The following GRID2 variants were observed in gnomAD, a reference collection of about 807,000 sequenced individuals.
GRID2 encodes the protein glutamate ionotropic receptor delta type subunit 2, also known as glutamate receptor ionotropic, delta-2.
In GRID2, 33 loss-of-function variants were observed where a neutral mutation model predicts 114.8. The ratio of observed to expected loss-of-function variants is 0.29; its 90% CI spans 0.22 to 0.38. The LOEUF (loss-of-function observed/expected upper bound fraction) is 0.38. GRID2 is among the 10% of genes least tolerant of loss of function. The pLI, the probability that GRID2 is intolerant of heterozygous loss-of-function variation, is 1.00. For missense variants in GRID2, 1,184 were observed against 1,257.7 expected, an observed-to-expected ratio of 0.94 and a Z score of 0.89; for synonymous variants, 505 against 449.9, an observed-to-expected ratio of 1.12 and a Z score of -1.55.
intron 2 of GRID2, chr4:92,884,821 T>A: frequency 2.9e-6 from 1 of 343,308 alleles, no homozygotes; most frequent in South Asian, 2.7e-5. Flanking sequence ...TGAATCAGAA[T>A]GTAATGCTTT....
intron 9 of GRID2, among the ~76,000 whole-genome samples, chr4:93,410,710 A>G (rs962164679): frequency 4.6e-5 from 7 of 152,206 alleles, no homozygotes; most frequent in African/African-American, 1.7e-4. Context: ...CAGTCTCCCA[A>G]GTAGCTGGGA....
intron 13 of GRID2, among the ~76,000 whole-genome samples, chr4:93,578,401 G>A (rs1050101170): frequency 5.9e-5 from 9 of 152,056 alleles, no homozygotes; most frequent in Admixed American, 3.9e-4. Flanking sequence ...ACTGTTAAAA[G>A]TGGGGAGGGG....
chr4:92,551,792 AGTC>A (rs1726604587), intron 1 of GRID2, among the ~76,000 whole-genome samples: 1 of 152,130 alleles, frequency 6.6e-6, no homozygotes. Flanking sequence ...TTGCTGCAGT[AGTC>A]TATGCATGAA....
chr4:92,419,882 A>G (rs963772765), intron 1 of GRID2, among the ~76,000 whole-genome samples: 2 of 152,078 alleles, frequency 1.3e-5, no homozygotes, highest in African/African-American at 4.8e-5. Context: ...GAAAATTGGA[A>G]AATATACCTA....
At chr4:93,581,886 A>G (rs1030072489) in intron 13 of GRID2, among the ~76,000 whole-genome samples, 6 of 152,162 alleles carry the variant, frequency 3.9e-5, no homozygotes, top group South Asian at 2.1e-4. Context: ...AAGAGATGCC[A>G]TGTTCTCTTT....
intron 2 of GRID2, among the ~76,000 whole-genome samples, chr4:92,672,867 AAAT>A (rs1733145238): frequency 6.6e-6 from 1 of 152,114 alleles, no homozygotes. Context: ...ATGTACAATG[AAAT>A]AATATTAACT....
chr4:92,881,193 C>A (rs1039405719), intron 2 of GRID2, among the ~76,000 whole-genome samples: 1 of 152,134 alleles, frequency 6.6e-6, no homozygotes. Context: ...GTGAGCCACC[C>A]AGCTCGGCCT....
intron 2 of GRID2, among the ~76,000 whole-genome samples, chr4:92,899,013 AATC>A (rs1377348557): frequency 6.6e-6 from 1 of 152,148 alleles, no homozygotes; most frequent in Non-Finnish European, 1.5e-5. Flanking sequence ...GTGTATATAA[AATC>A]ATATTAAAGC....
rs186270798 is a variant in GRID2, at chr4:93,789,950, C to A, written c.222-16765C>A. Among the ~76,000 whole-genome samples the A allele has an allele frequency of 2.7e-3, 414 of 152,256 alleles. 2 individuals carry two copies. The highest frequency in any genetic ancestry group is 9.5e-3 in the African/African-American group (396 of 41,548). On this transcript the variant is annotated intron_variant, in intron 1 of 1. Transcript: ENST00000637838. ...CCTTTTGTCAGATCAGCATTAGATTCTCATAGGAGTGTGACCCTATTGTGA... is the reference window on the plus strand; with the variant it reads ...CCTTTTGTCAGATCAGCATTAGATTATCATAGGAGTGTGACCCTATTGTGA...
At chr4:92,427,995 G>T (rs1409933746) in intron 1 of GRID2, among the ~76,000 whole-genome samples, 3 of 152,100 alleles carry the variant, frequency 2.0e-5, no homozygotes, top group Non-Finnish European at 2.9e-5. Flanking sequence ...AGGCACGGTG[G>T]CTCATGCCTG....
chr4:92,538,033 T>C (rs567857809), intron 1 of GRID2, among the ~76,000 whole-genome samples: 1 of 152,308 alleles, frequency 6.6e-6, no homozygotes, highest in Non-Finnish European at 1.5e-5. Flanking sequence ...ATTATGATTC[T>C]TGTATGTAAC....
intron 8 of GRID2, among the ~76,000 whole-genome samples, chr4:93,318,113 A>T (rs538519825): frequency 6.7e-6 from 1 of 150,110 alleles, no homozygotes; most frequent in Non-Finnish European, 1.5e-5. Context: ...ATAATTTTAC[A>T]TGATTTCATA....
chr4:92,620,485 CAAAG>C (rs946619912), intron 2 of GRID2, among the ~76,000 whole-genome samples: 4 of 151,564 alleles, frequency 2.6e-5, no homozygotes, highest in African/African-American at 9.7e-5. Context: ...AAGAGAGACT[CAAAG>C]AACGCTTCTA....
At chr4:93,558,074 A>G (rs964194760) in intron 13 of GRID2, among the ~76,000 whole-genome samples, 1 of 152,212 alleles carries the variant, frequency 6.6e-6, no homozygotes, top group Non-Finnish European at 1.5e-5. Context: ...AATACGTAGG[A>G]CACAGCTAAA....
intron 2 of GRID2, among the ~76,000 whole-genome samples, chr4:92,772,654 A>G (rs1452542504): frequency 1.3e-5 from 2 of 152,176 alleles, no homozygotes; most frequent in Non-Finnish European, 2.9e-5. Context: ...CATGCATCCT[A>G]TAAATTTGCG....
chr4:93,129,511 A>G (rs1055180024), intron 4 of GRID2, among the ~76,000 whole-genome samples: 4 of 152,028 alleles, frequency 2.6e-5, no homozygotes, highest in Non-Finnish European at 4.4e-5. Flanking sequence ...TGTGGCCTGG[A>G]GACTAGTGCT....
intron 2 of GRID2, among the ~76,000 whole-genome samples, chr4:92,679,900 T>C (rs1312499803): frequency 6.8e-6 from 1 of 147,704 alleles, no homozygotes; most frequent in Non-Finnish European, 1.5e-5. Context: ...TAAAACTTCC[T>C]AGATGTTAAA....
At chr4:92,917,489 T>A (rs555034284) in intron 2 of GRID2, among the ~76,000 whole-genome samples, 1 of 152,334 alleles carries the variant, frequency 6.6e-6, no homozygotes, top group South Asian at 2.1e-4. Context: ...TTTTTATGGT[T>A]TTAGGTCTAA....
At chr4:93,380,842 G>A (rs996276856) in intron 8 of GRID2, among the ~76,000 whole-genome samples, 3 of 151,950 alleles carry the variant, frequency 2.0e-5, no homozygotes, top group South Asian at 2.1e-4. Flanking sequence ...AGGTTCCTGC[G>A]GATCTGATAT....
Sources: gnomAD v4.1 joint callset for allele counts (sites outside exome capture counted in the v4.1 genomes callset) on GRCh38, gnomAD v4.1.1 for gene constraint, MANE v1.5 for transcripts, NCBI Gene and HGNC (gene_info 2026-07-23, HGNC 2026-07-21) for gene names.